Variants in SLCO3A1 observed in about 807,000 individuals in gnomAD.
SLCO3A1 encodes the protein solute carrier organic anion transporter family member 3A1, also known as PGE1 transporter.
SLCO3A1 carries 27 observed loss-of-function variants against 63.1 expected under a neutral mutation model. The observed-to-expected ratio is 0.43, with a 90% CI of 0.32 to 0.59. SLCO3A1 has a LOEUF of 0.59. Among genes scored for constraint, SLCO3A1 ranks in the 20% least tolerant of loss-of-function variants. The probability of loss-of-function intolerance (pLI) is 0.09; values close to 1 mark genes in which losing one functional copy is unlikely to be tolerated. For missense variants in SLCO3A1, 773 were observed against 945.8 expected (o/e 0.82, Z 2.40); for synonymous variants, 473 against 409.9 (o/e 1.15, Z -1.86).
Position 92,033,254 on chromosome 15 carries a change from C to G in SLCO3A1, c.647-61627C>G, listed in dbSNP as rs375346733. Among the ~76,000 whole-genome samples, 29 of 152,322 alleles carry G rather than the reference C, an allele frequency of 1.9e-4. 1 individual carries two copies. The East Asian group carries it at 4.2e-3, about 22-fold the overall frequency. On this transcript the variant is annotated intron_variant, in intron 2 of 9. Transcript: ENST00000318445. The surrounding 1 kb of genome is among the most constrained non-coding windows in gnomAD (Gnocchi z 4.5). ...AAAAGAGTCAAGTTGAAGGAGATTT[C>G]TGAGCATATTGTTCCAGCACCTGCA...
intron 2 of SLCO3A1, among the ~76,000 whole-genome samples, chr15:92,091,009 C>T (rs1567114364): frequency 6.6e-6 from 1 of 152,162 alleles, no homozygotes; most frequent in Non-Finnish European, 1.5e-5. Flanking sequence ...GATTTGAACC[C>T]AGGCTGTTCA....
chr15:92,115,025 G>A (rs1038000960), intron 4 of SLCO3A1, among the ~76,000 whole-genome samples: 2 of 151,520 alleles, frequency 1.3e-5, no homozygotes, highest in African/African-American at 2.4e-5. Context: ...CCCCTTCTTG[G>A]GAGCCGTGAC....
At chr15:92,016,201 T>TTG (rs1312710027) in intron 2 of SLCO3A1, among the ~76,000 whole-genome samples, 2 of 62,664 alleles carry the variant, frequency 3.2e-5, no homozygotes, top group Non-Finnish European at 7.3e-5. Context: ...GTATATATAT[T>TTG]TATATAGATA....
chr15:91,985,933 G>A (rs1215557686), intron 2 of SLCO3A1, among the ~76,000 whole-genome samples: 2 of 152,158 alleles, frequency 1.3e-5, no homozygotes, highest in African/African-American at 4.8e-5. Flanking sequence ...GGAGCAGGAT[G>A]GAGCCCTGGG....
At chr15:92,026,529 T>C (rs1420567637) in intron 2 of SLCO3A1, among the ~76,000 whole-genome samples, 1 of 152,046 alleles carries the variant, frequency 6.6e-6, no homozygotes, top group East Asian at 1.9e-4. Flanking sequence ...GCAGCTAGAG[T>C]CCACAGTAAT....
intron 4 of SLCO3A1, among the ~76,000 whole-genome samples, chr15:92,116,054 A>G (rs1054687255): frequency 6.6e-6 from 1 of 152,222 alleles, no homozygotes; most frequent in Non-Finnish European, 1.5e-5. Context: ...CCATGGCAGC[A>G]GGTACCAGGG....
chr15:91,857,302 C>T (rs549518193), intron 1 of SLCO3A1, among the ~76,000 whole-genome samples: 60 of 152,184 alleles, frequency 3.9e-4, no homozygotes, highest in Non-Finnish European at 6.9e-4. Context: ...ATAAAGTAAC[C>T]CAGGTGCAAC....
intron 7 of SLCO3A1, among the ~76,000 whole-genome samples, chr15:92,142,946 A>G (rs1260297829): frequency 6.6e-6 from 1 of 152,064 alleles, no homozygotes; most frequent in Non-Finnish European, 1.5e-5. Context: ...ATTGCAGATG[A>G]CTTGTTAAAC....
At chr15:91,896,135 G>C (rs908643805) in intron 1 of SLCO3A1, among the ~76,000 whole-genome samples, 1 of 152,150 alleles carries the variant, frequency 6.6e-6, no homozygotes. Context: ...TGGTTTAAGA[G>C]TCCTTAATGA....
At chr15:92,101,614 C>T (rs2047605613) in intron 3 of SLCO3A1, among the ~76,000 whole-genome samples, 1 of 152,208 alleles carries the variant, frequency 6.6e-6, no homozygotes, top group Non-Finnish European at 1.5e-5. Context: ...CTCACCAAAG[C>T]CTCCCCCGCC....
chr15:92,134,638 T>C (rs1323371350), intron 7 of SLCO3A1, among the ~76,000 whole-genome samples: 1 of 152,252 alleles, frequency 6.6e-6, no homozygotes, highest in South Asian at 2.1e-4. Context: ...CATTCGTAGA[T>C]GGATACTTCA....
At position 91,898,549 on chromosome 15, in the gene SLCO3A1, C is replaced by T. The variant is rs1898067312; in HGVS notation, c.181-17444C>T. Among the ~76,000 whole-genome samples the T allele has an allele frequency of 2.0e-5, 3 of 152,184 alleles. No homozygotes were observed. In the South Asian group the frequency reaches 6.2e-4, roughly 31 times the overall value. On this transcript the variant is annotated intron_variant, in intron 1 of 9. Transcript: ENST00000318445. ...AAGGCTGCACTCCCTTCCTCATTTC[C>T]AGTGGATCTGGGAAAACTCAGCTAA...
At chr15:91,879,137 G>A (rs1247452459) in intron 1 of SLCO3A1, among the ~76,000 whole-genome samples, 1 of 152,168 alleles carries the variant, frequency 6.6e-6, no homozygotes, top group African/African-American at 2.4e-5. Flanking sequence ...CTTTTCCAAA[G>A]GCAATAGAGT....
rs1192153497 is a variant in SLCO3A1 at position 92,106,661 on chromosome 15, TAA to T, written c.1009+2123_1009+2124del. Among the ~76,000 whole-genome samples, 3 of 152,200 alleles carry T rather than the reference TAA, an allele frequency of 2.0e-5. No homozygotes were observed. The East Asian group carries it at 5.8e-4, about 29-fold the overall frequency. ...CTTTCATCTCTGGGAATAAAAAGAT[TAA>T]AAAGATACAATGGTGCCATCAGAGA... On this transcript the variant is annotated intron_variant, in intron 4 of 9. Transcript: ENST00000318445.
chr15:92,007,046 C>T (rs2046320817), intron 2 of SLCO3A1, among the ~76,000 whole-genome samples: 2 of 152,230 alleles, frequency 1.3e-5, no homozygotes, highest in Admixed American at 6.5e-5. Flanking sequence ...TTAGCACTCA[C>T]ATGCATTGCA....
In SLCO3A1 at chr15:92,162,928, C is replaced by T. The variant is rs1232053481; in HGVS notation, c.1926C>T (p.Thr642=). The change falls in exon 10 of 10, where the codon ACC becomes ACT. Residue 642 remains threonine, a synonymous_variant. Transcript: ENST00000318445. ...AATCCTTCGCCTTCATCCTGTACAC[C>T]ACCACGTGGCAGTGCCTGAGGAAAA... ...ALKSFAFILY[T]TTWQCLRKNY... 5 of 1,614,070 alleles carry T rather than the reference C, an allele frequency of 3.1e-6. No individual in the cohort carries two copies. The highest frequency in any genetic ancestry group is 2.5e-6 in the Non-Finnish European group (3 of 1,180,046).
chr15:91,904,910 A>C (rs1898256576), intron 1 of SLCO3A1, among the ~76,000 whole-genome samples: 1 of 152,120 alleles, frequency 6.6e-6, no homozygotes, highest in Admixed American at 6.5e-5. Context: ...ATTTAACCCT[A>C]CCTCTCTGAT....
chr15:91,916,157 C>T lies in SLCO3A1; in HGVS notation c.345C>T (p.Val115=). Residue 115 remains valine (V), a synonymous_variant, in exon 2 of 10, where the codon GTC becomes GTT. Coordinates refer to ENST00000318445, the MANE Select transcript of SLCO3A1 (RefSeq NM_013272.4). This position sits in a 1 kb window ranked among gnomAD's most constrained non-coding sequence, Gnocchi z 6.2. ...RPRLIGCGGI[V]MALGALLSAL... ...GCCTGATCGGCTGCGGCGGCATCGT[C>T]ATGGCGCTGGGCGCGCTGCTGTCGG... 1 of 1,607,170 alleles carries T rather than the reference C, an allele frequency of 6.2e-7. No homozygotes were observed. The highest frequency in any genetic ancestry group is 8.5e-7 in the Non-Finnish European group (1 of 1,178,474).
At chr15:92,154,142 A>T (rs534810947) in intron 9 of SLCO3A1, among the ~76,000 whole-genome samples, 15 of 152,332 alleles carry the variant, frequency 9.8e-5, no homozygotes, top group Non-Finnish European at 1.9e-4. Context: ...TCGTGCCGAG[A>T]TGGTGCTCGC....
Sources: allele counts gnomAD v4.1 joint callset (sites outside exome capture counted in the v4.1 genomes callset), GRCh38; gene constraint gnomAD v4.1.1; non-coding constraint Gnocchi (gnomAD v3.1); transcripts MANE v1.5; gene names NCBI Gene and HGNC (gene_info 2026-07-23, HGNC 2026-07-21).